The following STAG1 variants were observed in gnomAD, a reference collection of about 807,000 sequenced individuals.
STAG1 encodes the protein cohesin subunit SA-1.
Under a neutral mutation model 170.9 loss-of-function variants are expected in STAG1, and 26 were observed. The ratio of observed to expected loss-of-function variants is 0.15; its 90% CI spans 0.11 to 0.21. The LOEUF (loss-of-function observed/expected upper bound fraction) is 0.21. Ranked by LOEUF, STAG1 falls within the 10% of genes least tolerant of loss-of-function variation. The pLI is 1.00. For missense variants in STAG1, 964 were observed against 1,509.5 expected, an observed-to-expected ratio of 0.64 and a Z score of 5.99; for synonymous variants, 514 against 497.7, an observed-to-expected ratio of 1.03 and a Z score of -0.44.
chr3:136,614,242 G>T (rs1939463016), intron 3 of STAG1, among the ~76,000 whole-genome samples: 1 of 152,016 alleles, frequency 6.6e-6, no homozygotes, highest in East Asian at 1.9e-4. Flanking sequence ...AAATAAAAAA[G>T]AACTTATATT....
intron 2 of STAG1, among the ~76,000 whole-genome samples, chr3:136,627,490 C>G (rs538493276): frequency 6.6e-6 from 1 of 152,234 alleles, no homozygotes; most frequent in Non-Finnish European, 1.5e-5. Context: ...ATTTTAGATT[C>G]CTGAATGGCA....
intron 6 of STAG1, among the ~76,000 whole-genome samples, chr3:136,526,341 A>C (rs548646440): frequency 1.4e-4 from 22 of 152,322 alleles, no homozygotes; most frequent in South Asian, 1.2e-3. Context: ...TCCCTTTACC[A>C]TTATGTTATG....
chr3:136,501,107 T>C (rs909095527), intron 8 of STAG1, among the ~76,000 whole-genome samples: 2 of 152,234 alleles, frequency 1.3e-5, no homozygotes, highest in African/African-American at 4.8e-5. Context: ...AGTTTGGGAA[T>C]ACTTTTATTG....
At chr3:136,602,012 A>G (rs943143802) in intron 4 of STAG1, among the ~76,000 whole-genome samples, 9 of 152,190 alleles carry the variant, frequency 5.9e-5, no homozygotes, top group African/African-American at 2.2e-4. Context: ...AAGGACTGGC[A>G]TTAAGCTTTA....
At chr3:136,658,785 T>C (rs1318073285) in intron 1 of STAG1, among the ~76,000 whole-genome samples, 1 of 152,214 alleles carries the variant, frequency 6.6e-6, no homozygotes, top group Non-Finnish European at 1.5e-5. Context: ...CTGATGAAAA[T>C]TCTGTCATTT....
chr3:136,704,062 T>G (rs889566563), intron 1 of STAG1, among the ~76,000 whole-genome samples: 8 of 149,376 alleles, frequency 5.4e-5, no homozygotes, highest in African/African-American at 2.0e-4. Context: ...TTTTTTTTTT[T>G]TTTTTTGAGA....
At chr3:136,467,088 G>A (rs926986906) in intron 12 of STAG1, among the ~76,000 whole-genome samples, 8 of 152,262 alleles carry the variant, frequency 5.3e-5, no homozygotes, top group East Asian at 1.9e-4. Context: ...GAAAGAAACC[G>A]CATCAACTAA....
chr3:136,692,470 A>T (rs1451834383), intron 1 of STAG1, among the ~76,000 whole-genome samples: 2 of 152,066 alleles, frequency 1.3e-5, no homozygotes, highest in Non-Finnish European at 1.5e-5. Flanking sequence ...CCCTACCTCT[A>T]CTAAAAGTAC....
In STAG1 at chr3:136,523,514, G is replaced by A. The variant is rs373386329; in HGVS notation, c.472-2097C>T. Reference sequence around the variant, plus strand: ...GCAAAAATCTTCTCCCATTCTGTAGGTTGCAAAAATCTTCTCCCATTCTGT... The same window carrying A: ...GCAAAAATCTTCTCCCATTCTGTAGATTGCAAAAATCTTCTCCCATTCTGT... On this transcript the variant is annotated intron_variant, in intron 6 of 33. Transcript: ENST00000383202. 1.1e-3 allele frequency among the ~76,000 whole-genome samples: 165 copies of A among 151,716 alleles called. 1 individual carries two copies. The highest frequency in any genetic ancestry group is 8.9e-3 in the East Asian group (46 of 5,174).
At chr3:136,697,035 G>A (rs11916248) in intron 1 of STAG1, among the ~76,000 whole-genome samples, 1,711 of 152,266 alleles carry the variant, frequency 0.011, 22 homozygotes, top group African/African-American at 0.04. Context: ...GTGGAGGAAC[G>A]TTTGTTGTCT....
intron 21 of STAG1, among the ~76,000 whole-genome samples, chr3:136,401,914 T>C (rs2087337857): frequency 3.3e-5 from 5 of 152,060 alleles, no homozygotes; most frequent in Admixed American, 3.3e-4. Flanking sequence ...CTGACTAATT[T>C]TTGTATTTTT....
At chr3:136,606,052 A>G (rs2107810314) in intron 3 of STAG1, among the ~76,000 whole-genome samples, 1 of 151,180 alleles carries the variant, frequency 6.6e-6, no homozygotes, top group East Asian at 1.9e-4. Flanking sequence ...CAGATTTACA[A>G]AAAAAAAAGT....
chr3:136,666,501 T>G (rs1444780585), intron 1 of STAG1, among the ~76,000 whole-genome samples: 2 of 152,176 alleles, frequency 1.3e-5, no homozygotes, highest in Admixed American at 6.5e-5. Flanking sequence ...GTAAGTAACT[T>G]GCTAAAGATC....
intron 13 of STAG1, among the ~76,000 whole-genome samples, chr3:136,453,308 T>C (rs1018592454): frequency 2.6e-5 from 4 of 152,136 alleles, no homozygotes; most frequent in Non-Finnish European, 4.4e-5. Context: ...AACTGCTAAG[T>C]TGGCCGGGCA....
At chr3:136,553,403 C>A (rs1372629441) in intron 5 of STAG1, among the ~76,000 whole-genome samples, 2 of 152,124 alleles carry the variant, frequency 1.3e-5, no homozygotes, top group Non-Finnish European at 2.9e-5. Context: ...AAAAACAATA[C>A]TCCCTGCCCC....
chr3:136,656,150 G>A (rs1237489357), intron 1 of STAG1, among the ~76,000 whole-genome samples: 1 of 150,376 alleles, frequency 6.6e-6, no homozygotes, highest in Non-Finnish European at 1.5e-5. Flanking sequence ...TGAAATTAGC[G>A]AGTCGCAAAA....
At chr3:136,657,619 C>T (rs904536299) in intron 1 of STAG1, among the ~76,000 whole-genome samples, 1 of 152,098 alleles carries the variant, frequency 6.6e-6, no homozygotes, top group African/African-American at 2.4e-5. Flanking sequence ...CCCAGGAGCT[C>T]GAGACCAGCC....
chr3:136,515,796 T>TA (rs1200736681), intron 7 of STAG1, among the ~76,000 whole-genome samples: 1 of 152,220 alleles, frequency 6.6e-6, no homozygotes, highest in Admixed American at 6.5e-5. Context: ...TACTTTATTT[T>TA]ATGGGTAAAA....
chr3:136,417,718 A>C, intron 21 of STAG1, 167 bp downstream of exon 21: 1 of 605,278 alleles, frequency 1.7e-6, no homozygotes, highest in Non-Finnish European at 2.9e-6. Context: ...AAGCCAGTAT[A>C]ATACACCTAT....
Sources: allele counts gnomAD v4.1 joint callset (sites outside exome capture counted in the v4.1 genomes callset), GRCh38; gene constraint gnomAD v4.1.1; transcripts MANE v1.5; gene names NCBI Gene and HGNC (gene_info 2026-07-23, HGNC 2026-07-21).